Variants in SHROOM3 observed in about 807,000 individuals in gnomAD.
The protein encoded by SHROOM3 is protein Shroom3.
A neutral mutation model predicts 138.6 loss-of-function variants in SHROOM3; 47 were observed. The ratio of observed to expected loss-of-function variants is 0.34; its 90% confidence interval spans 0.27 to 0.43. The LOEUF (loss-of-function observed/expected upper bound fraction) is 0.43. Among genes scored for constraint, SHROOM3 ranks in the 20% least tolerant of loss-of-function variants. SHROOM3 has a pLI of 1.00. For synonymous variants in SHROOM3, 1,062 were observed against 1,063.3 expected (o/e 1.00, Z 0.02); for missense variants, 2,491 against 2,596.5 (o/e 0.96, Z 0.88).
At chr4:76,695,308 G>C (rs1308921735) in intron 2 of SHROOM3, among the ~76,000 whole-genome samples, 1 of 152,156 alleles carries the variant, frequency 6.6e-6, no homozygotes, top group African/African-American at 2.4e-5. Context: ...CGACTTATTT[G>C]TGAACAAAAA....
At chr4:76,533,879 C>A (rs10012630) in intron 1 of SHROOM3, among the ~76,000 whole-genome samples, 1 of 152,010 alleles carries the variant, frequency 6.6e-6, no homozygotes, top group South Asian at 2.1e-4. Context: ...TCCCGTGTCT[C>A]GAGTAGTGTC....
chr4:76,668,781 AG>A (rs1201933095), intron 2 of SHROOM3, among the ~76,000 whole-genome samples: 2 of 152,194 alleles, frequency 1.3e-5, no homozygotes, highest in African/African-American at 4.8e-5. Context: ...CCAACAGCAG[AG>A]GGGAGGTGTC....
At chr4:76,713,515 G>A (rs1720290247) in intron 3 of SHROOM3, among the ~76,000 whole-genome samples, 1 of 152,160 alleles carries the variant, frequency 6.6e-6, no homozygotes, top group Admixed American at 6.5e-5. Context: ...CCTTATTCAG[G>A]AACACCTCCT....
At chr4:76,614,148 C>G (rs929251925) in intron 2 of SHROOM3, among the ~76,000 whole-genome samples, 1 of 152,170 alleles carries the variant, frequency 6.6e-6, no homozygotes, top group African/African-American at 2.4e-5. Context: ...CTCCGCCTCC[C>G]GGGTTCACAC....
intron 2 of SHROOM3, among the ~76,000 whole-genome samples, chr4:76,570,329 A>AT (rs1198821124): frequency 1.8e-4 from 27 of 152,250 alleles, no homozygotes; most frequent in African/African-American, 6.5e-4. Flanking sequence ...TGACACCTTC[A>AT]TAACAACTGT....
At chr4:76,545,524 T>C (rs897935761) in intron 1 of SHROOM3, among the ~76,000 whole-genome samples, 1 of 152,238 alleles carries the variant, frequency 6.6e-6, no homozygotes, top group African/African-American at 2.4e-5. Context: ...TAAATCAAGT[T>C]AACTCTGGTT....
intron 2 of SHROOM3, among the ~76,000 whole-genome samples, chr4:76,640,294 GATTT>G (rs1257630646): frequency 1.1e-4 from 16 of 152,174 alleles, no homozygotes; most frequent in Non-Finnish European, 2.4e-4. Context: ...TTTGTAACAT[GATTT>G]CTTTTCAAAC....
chr4:76,735,433 A>G (rs1233489298), intron 4 of SHROOM3, among the ~76,000 whole-genome samples: 2 of 152,094 alleles, frequency 1.3e-5, no homozygotes, highest in Admixed American at 6.6e-5. Context: ...GAGGCCTTCC[A>G]TGACCTTTCT....
chr4:76,503,724 T>A (rs1293469564), intron 1 of SHROOM3, among the ~76,000 whole-genome samples: 1 of 152,140 alleles, frequency 6.6e-6, no homozygotes, highest in African/African-American at 2.4e-5. Flanking sequence ...CCACGGTGAT[T>A]GGCCATATAA....
intron 2 of SHROOM3, chr4:76,688,966 T>C (rs1480229371): frequency 2.1e-6 from 2 of 967,274 alleles, no homozygotes; most frequent in Non-Finnish European, 2.5e-6. Context: ...GCGAGCTTTT[T>C]TTTTTTTTTT....
chr4:76,740,261 A>G lies in SHROOM3; in HGVS notation c.2088A>G (p.Ala696=), dbSNP rs1721201642. 1.2e-6 allele frequency: 2 copies of G among 1,613,150 alleles called. No individual in the cohort carries two copies. Among genetic ancestry groups the G allele is most frequent in the Non-Finnish European group, 1.7e-6 (2 of 1,180,046 alleles). Residue 696 remains alanine, a synonymous_variant, in exon 5 of 11, where the codon GCA becomes GCG. Coordinates refer to ENST00000296043, the MANE Select transcript of SHROOM3 (RefSeq NM_020859.4). This position sits in a 1 kb window ranked among gnomAD's most constrained non-coding sequence, Gnocchi z 4.0. The part of the protein sequence containing the change: ...EGYPGGRPTC[A]VNTKAEDPGR... The stretch of plus-strand genomic sequence containing the variant: ...ACCCCGGGGGCAGGCCCACCTGTGC[A>G]GTCAACACCAAGGCAGAAGACCCTG...
At chr4:76,438,217 A>T (rs190609656) in intron 1 of SHROOM3, among the ~76,000 whole-genome samples, 3 of 152,342 alleles carry the variant, frequency 2.0e-5, no homozygotes, top group South Asian at 2.1e-4. Flanking sequence ...TGGCTCTATG[A>T]TGTCAGGGAC....
In SHROOM3 at chr4:76,567,510, C is replaced by T. The variant is rs558756252; in HGVS notation, c.323+11747C>T. 6.8e-4 allele frequency among the ~76,000 whole-genome samples: 103 copies of T among 152,154 alleles called. 1 individual carries two copies. In the South Asian group the frequency reaches 9.2e-3, roughly 14 times the overall value. On this transcript the variant is annotated intron_variant, in intron 2 of 10. Coordinates refer to ENST00000296043, the MANE Select transcript of SHROOM3 (RefSeq NM_020859.4). Reference sequence around the variant, plus strand: ...TTAAAAATACAAAAAATTAGCCGGGCGTCGTGGTGAGCGCCTGTAGTCCCA... The same window carrying T: ...TTAAAAATACAAAAAATTAGCCGGGTGTCGTGGTGAGCGCCTGTAGTCCCA...
At chr4:76,616,353 A>G (rs892472823) in intron 2 of SHROOM3, among the ~76,000 whole-genome samples, 5 of 151,988 alleles carry the variant, frequency 3.3e-5, no homozygotes, top group Non-Finnish European at 5.9e-5. Flanking sequence ...TCTGATTTGT[A>G]CACACATGTT....
chr4:76,463,821 A>G (rs1250375410), intron 1 of SHROOM3, among the ~76,000 whole-genome samples: 1 of 152,238 alleles, frequency 6.6e-6, no homozygotes, highest in Non-Finnish European at 1.5e-5. Flanking sequence ...CAGTTTCTAC[A>G]TGGTGTTTGG....
chr4:76,597,439 T>C (rs934849283), intron 2 of SHROOM3, among the ~76,000 whole-genome samples: 1 of 152,102 alleles, frequency 6.6e-6, no homozygotes, highest in Non-Finnish European at 1.5e-5. Context: ...ATTCAGGAAG[T>C]ATGGATAGAT....
intron 2 of SHROOM3, among the ~76,000 whole-genome samples, chr4:76,595,255 A>G (rs1166915795): frequency 6.6e-6 from 1 of 152,218 alleles, no homozygotes; most frequent in Non-Finnish European, 1.5e-5. Context: ...GCAGCTATTC[A>G]CTTTCTTTTT....
intron 1 of SHROOM3, among the ~76,000 whole-genome samples, chr4:76,448,440 C>A (rs545366199): frequency 1.3e-4 from 20 of 152,316 alleles, no homozygotes; most frequent in Non-Finnish European, 1.9e-4. Context: ...ATCTGCAATT[C>A]TTTGCTTGGA....
At chr4:76,589,067 C>T (rs1734208640) in intron 2 of SHROOM3, among the ~76,000 whole-genome samples, 1 of 152,220 alleles carries the variant, frequency 6.6e-6, no homozygotes, top group Admixed American at 6.5e-5. Context: ...CAAATGATAG[C>T]CGCAGAGCGG....
Sources: allele counts gnomAD v4.1 joint callset (sites outside exome capture counted in the v4.1 genomes callset), GRCh38; gene constraint gnomAD v4.1.1; non-coding constraint Gnocchi (gnomAD v3.1); transcripts MANE v1.5; gene names NCBI Gene and HGNC (gene_info 2026-07-23, HGNC 2026-07-21).